The following FGGY variants were observed in gnomAD, a reference collection of about 807,000 sequenced individuals.
The protein encoded by FGGY is FGGY carbohydrate kinase domain containing.
FGGY carries 72 observed loss-of-function variants against 71.3 expected under a neutral mutation model. The ratio of observed to expected loss-of-function variants is 1.01; its 90% CI spans 0.84 to 1.23. The LOEUF (loss-of-function observed/expected upper bound fraction) is 1.23. FGGY is among the 50% of genes most tolerant of loss of function. The pLI, the probability that FGGY is intolerant of heterozygous loss-of-function variation, is 0.00. For synonymous variants in FGGY, 251 were observed against 250.3 expected, an observed-to-expected ratio of 1.00 and a Z score of -0.02; for missense variants, 668 against 682.3, an observed-to-expected ratio of 0.98 and a Z score of 0.23.
intron 10 of FGGY, among the ~76,000 whole-genome samples, chr1:59,637,853 C>T (rs193280616): frequency 6.6e-6 from 1 of 152,234 alleles, no homozygotes; most frequent in East Asian, 1.9e-4. Context: ...AATACTGCGC[C>T]TTCACATACA....
intron 14 of FGGY, among the ~76,000 whole-genome samples, chr1:59,724,877 A>G (rs932695151): frequency 1.3e-5 from 2 of 152,150 alleles, no homozygotes; most frequent in African/African-American, 4.8e-5. Flanking sequence ...TTCAGATACA[A>G]GTTTCTTTAT....
chr1:59,636,738 T>G (rs977805543), intron 10 of FGGY, among the ~76,000 whole-genome samples: 2 of 152,212 alleles, frequency 1.3e-5, no homozygotes, highest in African/African-American at 4.8e-5. Context: ...CTACACCAAG[T>G]ACAGGAAACT....
At chr1:59,613,239 T>C (rs1035532158) in intron 9 of FGGY, among the ~76,000 whole-genome samples, 1 of 152,176 alleles carries the variant, frequency 6.6e-6, no homozygotes, top group African/African-American at 2.4e-5. Flanking sequence ...ATTGACCACA[T>C]AGTTGGAAGT....
chr1:59,419,966 G>T (rs2065130483), intron 5 of FGGY, among the ~76,000 whole-genome samples: 1 of 152,120 alleles, frequency 6.6e-6, no homozygotes, highest in East Asian at 1.9e-4. Context: ...TATTAGTTCA[G>T]AATCTTCTGA....
intron 2 of FGGY, among the ~76,000 whole-genome samples, chr1:59,326,880 A>G (rs2047531676): frequency 2.0e-5 from 3 of 152,232 alleles, no homozygotes; most frequent in Admixed American, 1.3e-4. Flanking sequence ...TGAGTTTCTC[A>G]GTGCATATGA....
intron 6 of FGGY, among the ~76,000 whole-genome samples, chr1:59,505,811 T>G (rs2094363942): frequency 6.6e-6 from 1 of 152,264 alleles, no homozygotes; most frequent in East Asian, 1.9e-4. Context: ...GGATTATGTG[T>G]GTGTCTGAAA....
At chr1:59,419,882 A>C (rs1399212114) in intron 5 of FGGY, among the ~76,000 whole-genome samples, 1 of 152,298 alleles carries the variant, frequency 6.6e-6, no homozygotes, top group East Asian at 1.9e-4. Context: ...GCATATTTTC[A>C]AAGCCAATTT....
chr1:59,555,768 G>A (rs1357870589), intron 8 of FGGY, among the ~76,000 whole-genome samples: 1 of 152,194 alleles, frequency 6.6e-6, no homozygotes, highest in Non-Finnish European at 1.5e-5. Context: ...GGGAGGCCGA[G>A]GTGGGTGGAT....
intron 10 of FGGY, among the ~76,000 whole-genome samples, chr1:59,635,650 A>C (rs2096951486): frequency 6.6e-6 from 1 of 152,064 alleles, no homozygotes; most frequent in Non-Finnish European, 1.5e-5. Flanking sequence ...GCTAGAAAAG[A>C]TGTTCTCAAG....
intron 5 of FGGY, 62 bp downstream of exon 5, chr1:59,378,899 A>G (rs2059010679): frequency 5.1e-6 from 7 of 1,380,448 alleles, no homozygotes; most frequent in African/African-American, 1.4e-5. Context: ...CTGTCTATAT[A>G]TTGCTTTCTT....
chr1:59,364,266 A>T (rs1379951464), intron 4 of FGGY, among the ~76,000 whole-genome samples: 1 of 152,176 alleles, frequency 6.6e-6, no homozygotes, highest in Non-Finnish European at 1.5e-5. Context: ...CAGGAAGTGA[A>T]TGAATCCATT....
chr1:59,686,837 C>G (rs1307977763), intron 14 of FGGY, among the ~76,000 whole-genome samples: 1 of 152,070 alleles, frequency 6.6e-6, no homozygotes, highest in Non-Finnish European at 1.5e-5. Context: ...AAAAATAAGA[C>G]TATTAAGAAC....
chr1:59,322,213 C>A (rs1213090270), intron 2 of FGGY, among the ~76,000 whole-genome samples: 1 of 151,178 alleles, frequency 6.6e-6, no homozygotes, highest in South Asian at 2.1e-4. Context: ...GTAACTTACT[C>A]AAGTTCACAC....
chr1:59,639,135 G>T (rs1201836581), intron 11 of FGGY, among the ~76,000 whole-genome samples: 1 of 152,182 alleles, frequency 6.6e-6, no homozygotes, highest in African/African-American at 2.4e-5. Context: ...AGCTGAGAAG[G>T]TGAGTGTGAG....
chr1:59,526,056 G>A (rs1191430069), intron 7 of FGGY, among the ~76,000 whole-genome samples: 4 of 152,122 alleles, frequency 2.6e-5, no homozygotes, highest in South Asian at 2.1e-4. Flanking sequence ...GTCTGTTTAT[G>A]TGTACATTTA....
chr1:59,440,881 G>C (rs968206610), intron 5 of FGGY, among the ~76,000 whole-genome samples: 1 of 151,646 alleles, frequency 6.6e-6, no homozygotes, highest in Non-Finnish European at 1.5e-5. Context: ...GTGAATGGAA[G>C]TGTGACCCAT....
chr1:59,327,116 TTAAG>T (rs1224032117), intron 2 of FGGY, among the ~76,000 whole-genome samples: 1 of 152,176 alleles, frequency 6.6e-6, no homozygotes, highest in Admixed American at 6.5e-5. Flanking sequence ...GGTAATTTTT[TTAAG>T]TAAGGCAATT....
intron 4 of FGGY, among the ~76,000 whole-genome samples, chr1:59,367,290 C>G (rs960211079): frequency 1.3e-5 from 2 of 152,220 alleles, no homozygotes; most frequent in Non-Finnish European, 2.9e-5. Flanking sequence ...TGACCTACTC[C>G]ATGCTTCCAG....
chr1:59,504,954 A>T (rs979406019), intron 6 of FGGY, among the ~76,000 whole-genome samples: 14 of 152,350 alleles, frequency 9.2e-5, no homozygotes, highest in African/African-American at 3.1e-4. Flanking sequence ...TGCTGAGGGG[A>T]AATGAATATA....
Sources: allele counts gnomAD v4.1 joint callset (sites outside exome capture counted in the v4.1 genomes callset), GRCh38; gene constraint gnomAD v4.1.1; transcripts MANE v1.5; gene names NCBI Gene and HGNC (gene_info 2026-07-23, HGNC 2026-07-21).